CNBD1: variants seen among roughly 807,000 people sequenced by gnomAD.
CNBD1 encodes cyclic nucleotide-binding domain-containing protein 1.
In CNBD1, 71 loss-of-function variants were observed where a neutral mutation model predicts 54.4. The ratio of observed to expected loss-of-function variants is 1.30; its 90% CI spans 1.08 to 1.59. The LOEUF (loss-of-function observed/expected upper bound fraction) is 1.59. Ranked by LOEUF, CNBD1 falls within the 40% of genes most tolerant of loss-of-function variation. The pLI, the probability that CNBD1 is intolerant of heterozygous loss-of-function variation, is 0.00. For synonymous variants in CNBD1, 182 were observed against 170.7 expected, an observed-to-expected ratio of 1.07 and a Z score of -0.51; for missense variants, 659 against 518.0, an observed-to-expected ratio of 1.27 and a Z score of -2.64.
intron 4 of CNBD1, among the ~76,000 whole-genome samples, chr8:87,179,733 T>C (rs1315223063): frequency 6.6e-6 from 1 of 152,184 alleles, no homozygotes; most frequent in African/African-American, 2.4e-5. Context: ...ATAGAGTTTA[T>C]AATCATTCAC....
intron 8 of CNBD1, among the ~76,000 whole-genome samples, chr8:87,327,560 C>T (rs917954942): frequency 5.3e-5 from 8 of 152,266 alleles, no homozygotes; most frequent in Middle Eastern, 6.8e-3. Context: ...GGGAGTGACC[C>T]GATTTTCCAG....
intron 4 of CNBD1, among the ~76,000 whole-genome samples, chr8:86,975,232 C>T (rs1808314589): frequency 2.6e-5 from 4 of 151,938 alleles, no homozygotes; most frequent in Admixed American, 2.6e-4. Context: ...ACATAGTTAT[C>T]ATTTCTTTGT....
chr8:87,123,172 AAC>A (rs1175291481), intron 4 of CNBD1, among the ~76,000 whole-genome samples: 1 of 151,840 alleles, frequency 6.6e-6, no homozygotes, highest in African/African-American at 2.4e-5. Flanking sequence ...AAATATACCT[AAC>A]ACACATAAAG....
intron 2 of CNBD1, among the ~76,000 whole-genome samples, chr8:87,421,637 G>T (rs933695746): frequency 2.0e-5 from 3 of 151,882 alleles, no homozygotes; most frequent in Non-Finnish European, 2.9e-5. Context: ...GTATTCCACG[G>T]TGTATATGTG....
chr8:87,139,827 C>T (rs977658236), intron 4 of CNBD1, among the ~76,000 whole-genome samples: 1 of 152,126 alleles, frequency 6.6e-6, no homozygotes, highest in African/African-American at 2.4e-5. Flanking sequence ...CAAAGCTTCC[C>T]CTGAGAAAAG....
rs571099986 is a variant in CNBD1 at position 87,179,538 on chromosome 8, T to C, written c.432-26455T>C. Among the ~76,000 whole-genome samples the C allele has an allele frequency of 8.5e-5, 13 of 152,284 alleles. No individual in the cohort carries two copies. In the East Asian group the frequency reaches 9.7e-4, roughly 11 times the overall value. On this transcript the variant is annotated intron_variant, in intron 4 of 10. Transcript: ENST00000518476. ...AGAGTATCAACTGAAATTAAGGCTG[T>C]TGAAGCAGAAATAACTTGATAAATG... is the stretch of plus-strand genomic sequence containing the variant.
intron 4 of CNBD1, among the ~76,000 whole-genome samples, chr8:86,968,736 G>T (rs1283975869): frequency 6.6e-6 from 1 of 152,176 alleles, no homozygotes; most frequent in East Asian, 1.9e-4. Context: ...CCTGTGAGAG[G>T]GTGGTAGAGG....
intron 4 of CNBD1, among the ~76,000 whole-genome samples, chr8:87,000,262 C>A (rs1013185434): frequency 6.6e-6 from 1 of 151,976 alleles, no homozygotes; most frequent in African/African-American, 2.4e-5. Context: ...GGCAATTTTC[C>A]CTGTTCTTGT....
chr8:87,172,980 G>A (rs1813120922), intron 4 of CNBD1, among the ~76,000 whole-genome samples: 1 of 151,736 alleles, frequency 6.6e-6, no homozygotes, highest in Non-Finnish European at 1.5e-5. Flanking sequence ...TTTAGTGAAG[G>A]GGATTTTTCT....
intron 10 of CNBD1, among the ~76,000 whole-genome samples, chr8:87,379,062 A>C (rs1811016038): frequency 6.6e-6 from 1 of 150,876 alleles, no homozygotes; most frequent in Non-Finnish European, 1.5e-5. Flanking sequence ...GGGCTGAGAC[A>C]ATGGGGTTTT....
chr8:86,939,306 C>T (rs75877516), intron 3 of CNBD1, among the ~76,000 whole-genome samples: 11,506 of 151,908 alleles, frequency 0.076, 534 homozygotes, highest in African/African-American at 0.14. Context: ...TAACATAAGC[C>T]TAATATATTA....
At chr8:87,214,645 A>C (rs1814170082) in intron 5 of CNBD1, among the ~76,000 whole-genome samples, 1 of 152,184 alleles carries the variant, frequency 6.6e-6, no homozygotes, top group Admixed American at 6.5e-5. Context: ...AGACTGGGTA[A>C]TTTATAAAAG....
intron 4 of CNBD1, among the ~76,000 whole-genome samples, chr8:86,978,644 GCAATTCTCCTGCCT>G (rs1289709987): frequency 7.0e-6 from 1 of 143,502 alleles, no homozygotes; most frequent in East Asian, 2.2e-4. Context: ...CCGGGTTCAA[GCAATTCTCCTGCCT>G]CAGCCTTCAG....
At chr8:87,339,949 A>G (rs1002570339) in intron 8 of CNBD1, among the ~76,000 whole-genome samples, 4 of 152,082 alleles carry the variant, frequency 2.6e-5, no homozygotes, top group African/African-American at 9.7e-5. Flanking sequence ...ACAGTATTCT[A>G]TTTTTGTCTT....
chr8:87,289,583 C>G (rs1808751031), intron 8 of CNBD1, among the ~76,000 whole-genome samples: 1 of 151,954 alleles, frequency 6.6e-6, no homozygotes, highest in African/African-American at 2.4e-5. Flanking sequence ...TCAGTATGCC[C>G]CCATCTTTCT....
At chr8:87,339,762 C>A (rs530903678) in intron 8 of CNBD1, among the ~76,000 whole-genome samples, 1 of 152,048 alleles carries the variant, frequency 6.6e-6, no homozygotes, top group Non-Finnish European at 1.5e-5. Context: ...AAACTGATAA[C>A]AATTTAAGTG....
chr8:87,247,468 C>T (rs1002716754), intron 6 of CNBD1, among the ~76,000 whole-genome samples: 1 of 152,180 alleles, frequency 6.6e-6, no homozygotes, highest in Non-Finnish European at 1.5e-5. Context: ...TCCAGTTTGG[C>T]TTTGAATGCA....
At position 87,304,276 on chromosome 8, in the gene CNBD1, C is replaced by T. The variant is rs1252194856; in HGVS notation, c.1042+17605C>T. 3.9e-5 allele frequency among the ~76,000 whole-genome samples: 6 copies of T among 152,016 alleles called. No homozygotes were observed. In the East Asian group the frequency reaches 5.8e-4, roughly 15 times the overall value. ...GATAGACTGGATTAAGAAAATGTGG[C>T]GCATATACACCATGGAATACTATGC... is the stretch of plus-strand genomic sequence containing the variant. On this transcript the variant is annotated intron_variant, in intron 8 of 10. Coordinates refer to ENST00000518476, the MANE Select transcript of CNBD1 (RefSeq NM_173538.3).
At position 86,873,983 on chromosome 8, in the gene CNBD1, G is replaced by A. The variant is rs865950281; in HGVS notation, c.88+7400G>A. On this transcript the variant is annotated intron_variant, in intron 1 of 10. Coordinates refer to ENST00000518476, the MANE Select transcript of CNBD1 (RefSeq NM_173538.3). ...GGAAAATTAACATTGATACATTACT[G>A]TAATCTAATCCTTGGACCCCATTCA... Among the ~76,000 whole-genome samples the A allele has an allele frequency of 3.9e-5, 6 of 152,104 alleles. No individual in the cohort carries two copies. In the South Asian group the frequency reaches 6.2e-4, roughly 16 times the overall value.
Sources: allele counts gnomAD v4.1 joint callset (sites outside exome capture counted in the v4.1 genomes callset), GRCh38; gene constraint gnomAD v4.1.1; transcripts MANE v1.5; gene names NCBI Gene and HGNC (gene_info 2026-07-23, HGNC 2026-07-21).